Variants in C12orf42 observed in about 807,000 individuals in gnomAD.
C12orf42 encodes chromosome 12 open reading frame 42, also known as uncharacterized protein C12orf42.
In C12orf42, 25 loss-of-function variants were observed where a neutral mutation model predicts 21.6. That is an observed-to-expected ratio of 1.16 (90% CI 0.84 to 1.62). C12orf42 has a LOEUF of 1.62. Ranked by LOEUF, C12orf42 falls within the 40% of genes most tolerant of loss-of-function variation. C12orf42 has a pLI of 0.00. For missense variants in C12orf42, 483 were observed against 459.3 expected (o/e 1.05, Z -0.47); for synonymous variants, 174 against 175.0 (o/e 0.99, Z 0.05).
At chr12:103,217,370 A>C in the C12orf42 span, among the ~76,000 whole-genome samples, 1 of 151,948 alleles carries the variant, frequency 6.6e-6, no homozygotes, top group South Asian at 2.1e-4. Flanking sequence ...ACACACAAAC[A>C]AACAAAAAAT....
chr12:103,411,331 T>C (rs1185726306), intron 2 of C12orf42, among the ~76,000 whole-genome samples: 1 of 152,258 alleles, frequency 6.6e-6, no homozygotes, highest in African/African-American at 2.4e-5. Flanking sequence ...TCAATTTTAT[T>C]ATGCAAAACT....
At chr12:103,236,926 G>A (rs1020716556), downstream of C12orf42, among the ~76,000 whole-genome samples, 2 of 152,222 alleles carry the variant, frequency 1.3e-5, no homozygotes, top group East Asian at 1.9e-4. Flanking sequence ...CTATAGACCT[G>A]GCAGATTCAG....
chr12:103,056,861 C>T, the C12orf42 span, among the ~76,000 whole-genome samples: 1 of 152,112 alleles, frequency 6.6e-6, no homozygotes, highest in African/African-American at 2.4e-5. Flanking sequence ...CTGTGAGTTT[C>T]TATTTTTCTG....
the C12orf42 span, among the ~76,000 whole-genome samples, chr12:103,207,506 C>G: frequency 3.9e-5 from 6 of 152,204 alleles, no homozygotes; most frequent in African/African-American, 1.4e-4. Flanking sequence ...TGCTGATAAA[C>G]AGACATCACT....
the C12orf42 span, among the ~76,000 whole-genome samples, chr12:103,532,071 G>A: frequency 6.6e-6 from 1 of 152,120 alleles, no homozygotes; most frequent in African/African-American, 2.4e-5. Flanking sequence ...ATGCCTCAAA[G>A]AAACTCACCT....
the C12orf42 span, among the ~76,000 whole-genome samples, chr12:103,110,278 C>A: frequency 6.6e-6 from 1 of 152,104 alleles, no homozygotes; most frequent in African/African-American, 2.4e-5. Context: ...GTCTAATGAA[C>A]AAAGCAATTA....
chr12:103,334,530 GC>G (rs1200040689), intron 4 of C12orf42, among the ~76,000 whole-genome samples: 7 of 152,056 alleles, frequency 4.6e-5, no homozygotes, highest in Non-Finnish European at 8.8e-5. Context: ...ATAAAAGAAG[GC>G]AGGGAAATCC....
chr12:103,562,280 C>A, the C12orf42 span, among the ~76,000 whole-genome samples: 1 of 152,130 alleles, frequency 6.6e-6, no homozygotes, highest in African/African-American at 2.4e-5. Context: ...TAACCAAAAT[C>A]TTACACCTCA....
chr12:103,205,819 A>C, the C12orf42 span, among the ~76,000 whole-genome samples: 1 of 152,230 alleles, frequency 6.6e-6, no homozygotes, highest in Non-Finnish European at 1.5e-5. Flanking sequence ...CACAGGCAAC[A>C]GTGTTGAATC....
intron 2 of C12orf42, among the ~76,000 whole-genome samples, chr12:103,475,715 T>C (rs904851154): frequency 6.6e-6 from 1 of 152,214 alleles, no homozygotes; most frequent in Non-Finnish European, 1.5e-5. Context: ...AACAAAGTAT[T>C]TTTTGAACTG....
intron 2 of C12orf42, among the ~76,000 whole-genome samples, chr12:103,441,891 C>A (rs1207361114): frequency 6.6e-6 from 1 of 152,024 alleles, no homozygotes; most frequent in Non-Finnish European, 1.5e-5. Flanking sequence ...CTCTGTAATC[C>A]CAACATTTTG....
the C12orf42 span, among the ~76,000 whole-genome samples, chr12:103,115,907 G>T: frequency 6.6e-6 from 1 of 152,156 alleles, no homozygotes. Context: ...TTCAGTCATG[G>T]GGTGCTTTGG....
chr12:103,380,155 C>A (rs1019824135), intron 3 of C12orf42, among the ~76,000 whole-genome samples: 2 of 151,992 alleles, frequency 1.3e-5, no homozygotes, highest in Admixed American at 6.5e-5. Flanking sequence ...TAAAGTTGAA[C>A]CTCTAAAATC....
At chr12:103,404,833 G>A (rs1226886203) in intron 2 of C12orf42, among the ~76,000 whole-genome samples, 1 of 152,226 alleles carries the variant, frequency 6.6e-6, no homozygotes, top group Non-Finnish European at 1.5e-5. Flanking sequence ...TAACAACAAT[G>A]ATGTGAAAAC....
intron 2 of C12orf42, among the ~76,000 whole-genome samples, chr12:103,425,665 A>G (rs1444603473): frequency 6.6e-6 from 1 of 152,128 alleles, no homozygotes; most frequent in Non-Finnish European, 1.5e-5. Context: ...GGATGTCCAC[A>G]CCAAAACCCC....
chr12:103,233,739 A>AT (rs1283258499), downstream of C12orf42, among the ~76,000 whole-genome samples: 1 of 152,238 alleles, frequency 6.6e-6, no homozygotes, highest in Non-Finnish European at 1.5e-5. Context: ...CTTTACAGAT[A>AT]TTTTTACAGA....
the C12orf42 span, among the ~76,000 whole-genome samples, chr12:103,145,397 G>T: frequency 6.6e-6 from 1 of 152,102 alleles, no homozygotes; most frequent in Non-Finnish European, 1.5e-5. Flanking sequence ...TACAGTTCAG[G>T]CTCACCTTCA....
chr12:103,418,814 T>C (rs1387823981), intron 2 of C12orf42, among the ~76,000 whole-genome samples: 1 of 151,636 alleles, frequency 6.6e-6, no homozygotes, highest in Non-Finnish European at 1.5e-5. Flanking sequence ...TCATTTTCTG[T>C]ATGTAACATT....
At chr12:103,394,255 T>A (rs1265492412) in intron 3 of C12orf42, among the ~76,000 whole-genome samples, 1 of 152,152 alleles carries the variant, frequency 6.6e-6, no homozygotes, top group Non-Finnish European at 1.5e-5. Flanking sequence ...ATGAAGACAC[T>A]CTATTTCTCA....
Sources: allele counts gnomAD v4.1 joint callset (sites outside exome capture counted in the v4.1 genomes callset), GRCh38; gene constraint gnomAD v4.1.1; transcripts MANE v1.5; gene names NCBI Gene and HGNC (gene_info 2026-07-23, HGNC 2026-07-21).